Variants in NFIB observed in about 807,000 individuals in gnomAD.
NFIB encodes nuclear factor 1 B-type.
In NFIB, 11 loss-of-function variants were observed where a neutral mutation model predicts 61.5. The ratio of observed to expected loss-of-function variants is 0.18; its 90% CI spans 0.11 to 0.30. The LOEUF is 0.30. Ranked by LOEUF, NFIB falls within the 10% of genes least tolerant of loss-of-function variation. The pLI, the probability that NFIB is intolerant of heterozygous loss-of-function variation, is 1.00. For missense variants in NFIB, 471 were observed against 608.9 expected (o/e 0.77, Z 2.38); for synonymous variants, 260 against 216.5 (o/e 1.20, Z -1.76).
At chr9:14,426,443 C>A in the NFIB span, among the ~76,000 whole-genome samples, 1 of 152,180 alleles carries the variant, frequency 6.6e-6, no homozygotes, top group Admixed American at 6.5e-5. Flanking sequence ...AGACTGCAAG[C>A]TCATTGAGAA....
chr9:14,185,419 C>G (rs1452733718), intron 2 of NFIB, among the ~76,000 whole-genome samples: 4 of 152,176 alleles, frequency 2.6e-5, no homozygotes, highest in East Asian at 3.9e-4. Context: ...TGGTCCCCAT[C>G]AGCACCTGGG....
chr9:14,162,011 G>T (rs1475628325), intron 3 of NFIB, among the ~76,000 whole-genome samples: 1 of 152,056 alleles, frequency 6.6e-6, no homozygotes, highest in Non-Finnish European at 1.5e-5. Flanking sequence ...TTACATTAAT[G>T]TTACAACTTT....
chr9:14,123,493 G>A (rs1039606062), intron 7 of NFIB, among the ~76,000 whole-genome samples: 11 of 152,238 alleles, frequency 7.2e-5, no homozygotes, highest in African/African-American at 2.6e-4. Flanking sequence ...AATTATTTCA[G>A]TGGCTTCCTA....
At chr9:14,285,204 C>T (rs1302201572) in intron 2 of NFIB, among the ~76,000 whole-genome samples, 1 of 152,170 alleles carries the variant, frequency 6.6e-6, no homozygotes, top group African/African-American at 2.4e-5. Flanking sequence ...CTCACTGCAA[C>T]CTCCACCTCC....
At chr9:14,441,340 C>T in the NFIB span, among the ~76,000 whole-genome samples, 2 of 152,210 alleles carry the variant, frequency 1.3e-5, no homozygotes, top group African/African-American at 4.8e-5. Flanking sequence ...CAGGATTTGG[C>T]AAGGCTCAGT....
At chr9:14,464,265 G>C in the NFIB span, among the ~76,000 whole-genome samples, 3 of 152,202 alleles carry the variant, frequency 2.0e-5, no homozygotes. Flanking sequence ...TCTGAAATGA[G>C]CTGGGTATTT....
intron 2 of NFIB, among the ~76,000 whole-genome samples, chr9:14,274,259 C>T (rs1325520967): frequency 6.7e-6 from 1 of 150,036 alleles, no homozygotes; most frequent in African/African-American, 2.5e-5. Context: ...CCTACACACA[C>T]ACACACACAC....
Position 14,088,272 on chromosome 9 carries a change from G to T in NFIB, c.*37C>A. 1 of 1,596,548 alleles carries T rather than the reference G, an allele frequency of 6.3e-7. No homozygotes were observed. Among genetic ancestry groups the T allele is most frequent in the Admixed American group, 1.7e-5 (1 of 58,956 alleles). The stretch of plus-strand genomic sequence containing the variant: ...CGTAATTTTGGACATTGGCCGGTAA[G>T]ATGGGTGTCCTATTTGACACTTGGA... On this transcript the variant is annotated 3_prime_UTR_variant, in exon 11 of 11. Coordinates refer to ENST00000380953, the MANE Select transcript of NFIB (RefSeq NM_001190737.2).
intron 2 of NFIB, among the ~76,000 whole-genome samples, chr9:14,215,713 T>G (rs1009094021): frequency 1.3e-5 from 2 of 152,246 alleles, no homozygotes; most frequent in African/African-American, 4.8e-5. Flanking sequence ...TCTAGCTTCC[T>G]ATGGTATGCA....
the NFIB span, among the ~76,000 whole-genome samples, chr9:14,528,931 T>C: frequency 3.3e-5 from 5 of 152,154 alleles, no homozygotes; most frequent in Admixed American, 6.5e-5. Context: ...TGAAAGGTCA[T>C]CAACAGAACT....
At chr9:14,458,205 G>C in the NFIB span, among the ~76,000 whole-genome samples, 3 of 152,148 alleles carry the variant, frequency 2.0e-5, no homozygotes, top group Non-Finnish European at 2.9e-5. Context: ...TGCAAGGCTG[G>C]TTCAACATAT....
intron 2 of NFIB, chr9:14,204,302 T>C (rs1407001335): frequency 8.5e-6 from 6 of 706,852 alleles, no homozygotes; most frequent in South Asian, 6.1e-5. Context: ...CCCTGCTGTC[T>C]TGAAGAAGCA....
In NFIB at chr9:14,120,369, C is replaced by T. The variant is rs1375289341; in HGVS notation, c.1245+71G>A. The T allele has an allele frequency of 3.3e-6, 5 of 1,504,760 alleles. No homozygotes were observed. Among genetic ancestry groups the T allele is most frequent in the Admixed American group, 3.3e-5 (2 of 59,790 alleles). 93.2% of individuals were successfully genotyped at this position (1,504,760 alleles called of 1,614,324 possible). A position where few individuals can be genotyped will look rare whatever the true frequency, so the allele number is the denominator to read the frequency against. On this transcript the variant is annotated intron_variant, in intron 8 of 10. Coordinates refer to ENST00000380953, the MANE Select transcript of NFIB (RefSeq NM_001190737.2). This position sits in a 1 kb window ranked among gnomAD's most constrained non-coding sequence, Gnocchi z 4.4. ...TCTGCCAGACACACTGTCTGACTAA[C>T]CTTTGTGTCTCAGAATTAGATCTGT...
the NFIB span, among the ~76,000 whole-genome samples, chr9:14,495,198 A>G: frequency 2.0e-5 from 3 of 152,098 alleles, no homozygotes; most frequent in African/African-American, 7.2e-5. Flanking sequence ...TCAGCGGTCT[A>G]AGGAAGGTCA....
intron 1 of NFIB, among the ~76,000 whole-genome samples, chr9:14,396,121 G>T (rs774729729): frequency 6.6e-6 from 1 of 151,960 alleles, no homozygotes; most frequent in African/African-American, 2.4e-5. Context: ...ATAAATAATA[G>T]CTCTCGCAAA....
At chr9:14,263,227 T>C (rs1387726730) in intron 2 of NFIB, among the ~76,000 whole-genome samples, 2 of 152,128 alleles carry the variant, frequency 1.3e-5, no homozygotes, top group Non-Finnish European at 2.9e-5. Context: ...TTTTTTCCCT[T>C]ACTGCATTAT....
At chr9:14,431,535 C>T in the NFIB span, among the ~76,000 whole-genome samples, 5 of 152,212 alleles carry the variant, frequency 3.3e-5, no homozygotes, top group South Asian at 8.3e-4. Context: ...GCATTTCTAC[C>T]ATGTGCTCCT....
Position 14,346,290 on chromosome 9 carries a change from A to ACCCCCCCCCC in NFIB, c.109-38780_109-38771dup, listed in dbSNP as rs67699489. Among the ~76,000 whole-genome samples, 7 of 88,392 alleles carry ACCCCCCCCCC rather than the reference A, an allele frequency of 7.9e-5. 1 individual carries two copies. The highest frequency in any genetic ancestry group is 1.2e-4 in the Admixed American group (1 of 8,012). The allele number at this position is 88,392 out of a possible 152,430, so 58.0% of individuals were successfully genotyped here. The stretch of plus-strand genomic sequence containing the variant: ...TCCGCAGTCACACGAGGTAACCGAC[A>ACCCCCCCCCC]CCCCCCCCCCGTAACCTGAGCTAAA... On this transcript the variant is annotated intron_variant, in intron 1 of 8. Transcript: ENST00000380934.
At chr9:14,444,608 C>G in the NFIB span, among the ~76,000 whole-genome samples, 1 of 152,066 alleles carries the variant, frequency 6.6e-6, no homozygotes, top group Non-Finnish European at 1.5e-5. Flanking sequence ...AGAAATGTAT[C>G]GGGGGAAAAG....
Sources: allele counts gnomAD v4.1 joint callset (sites outside exome capture counted in the v4.1 genomes callset), GRCh38; gene constraint gnomAD v4.1.1; non-coding constraint Gnocchi (gnomAD v3.1); transcripts MANE v1.5; gene names NCBI Gene and HGNC (gene_info 2026-07-23, HGNC 2026-07-21).